NT5C2: variants seen among roughly 807,000 people sequenced by gnomAD.
NT5C2 encodes cytosolic purine 5'-nucleotidase.
Under a neutral mutation model 76.1 loss-of-function variants are expected in NT5C2, and 58 were observed. That is an observed-to-expected ratio of 0.76 (90% CI 0.62 to 0.95). NT5C2 has a LOEUF of 0.95. Among genes scored for constraint, NT5C2 ranks in the 40% least tolerant of loss-of-function variants. The pLI, the probability that NT5C2 is intolerant of heterozygous loss-of-function variation, is 0.00. For synonymous variants in NT5C2, 229 were observed against 237.4 expected, an observed-to-expected ratio of 0.96 and a Z score of 0.32; for missense variants, 478 against 690.3, an observed-to-expected ratio of 0.69 and a Z score of 3.45.
chr10:103,160,037 A>G (rs1006795683), intron 3 of NT5C2, among the ~76,000 whole-genome samples: 1 of 152,352 alleles, frequency 6.6e-6, no homozygotes, highest in Admixed American at 6.5e-5. Flanking sequence ...TGCTACTGGC[A>G]TAAGGACAAA....
At chr10:103,185,665 G>GA (rs75386040) in intron 1 of NT5C2, among the ~76,000 whole-genome samples, 2,971 of 116,326 alleles carry the variant, frequency 0.026, 49 homozygotes, top group African/African-American at 0.045. Context: ...AAAAAAAAAG[G>GA]AAAAAAAAAA....
At chr10:103,188,451 CAGA>C (rs1282360830) in intron 1 of NT5C2, among the ~76,000 whole-genome samples, 2 of 152,088 alleles carry the variant, frequency 1.3e-5, no homozygotes, top group Admixed American at 6.6e-5. Context: ...ATACAATTTA[CAGA>C]AGAATATAGA....
intron 1 of NT5C2, among the ~76,000 whole-genome samples, chr10:103,186,449 A>C (rs1387582619): frequency 1.3e-5 from 2 of 152,240 alleles, no homozygotes; most frequent in Non-Finnish European, 2.9e-5. Context: ...AGAGGCTGTA[A>C]CAATTTCACA....
chr10:103,142,493 A>C (rs995738627), intron 3 of NT5C2, among the ~76,000 whole-genome samples: 3 of 152,010 alleles, frequency 2.0e-5, no homozygotes, highest in African/African-American at 4.8e-5. Context: ...CAACATGGCA[A>C]AACCCCGTCT....
chr10:103,124,741 G>C lies in NT5C2; in HGVS notation c.175+14665C>G, dbSNP rs554414972. On this transcript the variant is annotated intron_variant, in intron 4 of 18. Transcript: ENST00000404739. ...CAAGAGCTAGTACAAGGCAGAGCTG[G>C]GATCCAACCCAGGTCTACCACACCA... Among the ~76,000 whole-genome samples, 4 of 151,850 alleles carry C rather than the reference G, an allele frequency of 2.6e-5. No homozygotes were observed. The South Asian group carries it at 8.3e-4, about 32-fold the overall frequency.
intron 4 of NT5C2, among the ~76,000 whole-genome samples, chr10:103,135,828 T>G (rs1001340602): frequency 2.6e-5 from 4 of 151,946 alleles, no homozygotes; most frequent in African/African-American, 9.7e-5. Flanking sequence ...CTCATGCCTG[T>G]AATCCCAGCA....
At chr10:103,146,135 T>C (rs933549342) in intron 3 of NT5C2, 2 of 985,442 alleles carry the variant, frequency 2.0e-6, no homozygotes, top group Non-Finnish European at 2.4e-6. Context: ...GTATAGTTTT[T>C]TTGTGACTTA....
intron 1 of NT5C2, among the ~76,000 whole-genome samples, chr10:103,192,430 T>G (rs1416915144): frequency 6.6e-6 from 1 of 152,210 alleles, no homozygotes; most frequent in Non-Finnish European, 1.5e-5. Flanking sequence ...AGCTGTGGCC[T>G]GCCGGAGTCA....
At chr10:103,094,837 G>A (rs932563862) in intron 12 of NT5C2, among the ~76,000 whole-genome samples, 13 of 148,600 alleles carry the variant, frequency 8.7e-5, no homozygotes, top group South Asian at 6.3e-4. Flanking sequence ...AGCCGAGATC[G>A]TGCCACTGCA....
intron 10 of NT5C2, among the ~76,000 whole-genome samples, chr10:103,097,653 C>A (rs1272459992): frequency 6.6e-6 from 1 of 152,216 alleles, no homozygotes; most frequent in African/African-American, 2.4e-5. Context: ...CTACCTTCCT[C>A]ATGATGTCTG....
At chr10:103,164,544 C>A (rs2085878214) in intron 3 of NT5C2, among the ~76,000 whole-genome samples, 1 of 152,088 alleles carries the variant, frequency 6.6e-6, no homozygotes, top group South Asian at 2.1e-4. Context: ...GCATGCACCA[C>A]CGCGCCCGGC....
rs753502571 is a variant in NT5C2 at position 103,090,806 on chromosome 10, T to C, written c.1273-19A>G. 2.5e-6 allele frequency: 4 copies of C among 1,612,962 alleles called. No homozygotes were observed. Among genetic ancestry groups the C allele is most frequent in the African/African-American group, 2.7e-5 (2 of 74,900 alleles). ...TTACTTTCTAAAACAAAGAACAAGA[T>C]TGATTCTTGGCTCATTCAACAAATA... On this transcript the variant is annotated intron_variant, in intron 17 of 18. Transcript: ENST00000404739.
At chr10:103,177,745 G>A (rs1420771773) in intron 2 of NT5C2, among the ~76,000 whole-genome samples, 1 of 152,130 alleles carries the variant, frequency 6.6e-6, no homozygotes, top group Non-Finnish European at 1.5e-5. Flanking sequence ...TCCAGGCTAA[G>A]TCTTTTTTAT....
chr10:103,168,249 A>C (rs1178358205), intron 3 of NT5C2, among the ~76,000 whole-genome samples: 1 of 152,248 alleles, frequency 6.6e-6, no homozygotes, highest in Non-Finnish European at 1.5e-5. Context: ...ATAACGTGCC[A>C]CATTTCAGTT....
chr10:103,153,526 T>C lies in NT5C2; in HGVS notation c.102-14047A>G, dbSNP rs1448719305. ...CTTAAGAATAATTTTTTTAAAAATTTCAAGACTAGGAAAAATAACTAATGG... is the reference window on the plus strand; with the variant it reads ...CTTAAGAATAATTTTTTTAAAAATTCCAAGACTAGGAAAAATAACTAATGG... On this transcript the variant is annotated intron_variant, in intron 3 of 18. Coordinates refer to ENST00000404739, the MANE Select transcript of NT5C2 (RefSeq NM_001351169.2). 4 of 985,208 alleles carry C rather than the reference T, an allele frequency of 4.1e-6. No homozygotes were observed. In the African/African-American group the frequency reaches 7.0e-5, roughly 17 times the overall value. The allele number at this position is 985,208 out of a possible 1,614,324, so 61.0% of individuals were successfully genotyped here. A position where few individuals can be genotyped will look rare whatever the true frequency, so the allele number is the denominator to read the frequency against.
intron 4 of NT5C2, among the ~76,000 whole-genome samples, chr10:103,135,234 C>G (rs1280785627): frequency 6.6e-6 from 1 of 152,120 alleles, no homozygotes; most frequent in Non-Finnish European, 1.5e-5. Context: ...GTGTCCCCAC[C>G]CAAATCTCAT....
intron 4 of NT5C2, among the ~76,000 whole-genome samples, chr10:103,126,467 C>G (rs1347897352): frequency 2.0e-5 from 3 of 152,076 alleles, no homozygotes; most frequent in Non-Finnish European, 4.4e-5. Context: ...ACAAAAAATA[C>G]AAAAATTAAC....
intron 6 of NT5C2, 70 bp downstream of exon 6, chr10:103,105,636 G>T: frequency 2.1e-6 from 2 of 974,614 alleles, no homozygotes; most frequent in Non-Finnish European, 3.2e-6. Context: ...ATTACATCTG[G>T]GGAGATGATG....
chr10:103,122,725 G>A (rs545244221), intron 4 of NT5C2, among the ~76,000 whole-genome samples: 1 of 152,264 alleles, frequency 6.6e-6, no homozygotes, highest in South Asian at 2.1e-4. Context: ...TCTCATTTGA[G>A]AGGTGTCATC....
Sources: allele counts gnomAD v4.1 joint callset (sites outside exome capture counted in the v4.1 genomes callset), GRCh38; gene constraint gnomAD v4.1.1; transcripts MANE v1.5; gene names NCBI Gene and HGNC (gene_info 2026-07-23, HGNC 2026-07-21).